TGM6: variants seen among roughly 807,000 people sequenced by gnomAD.
TGM6 encodes the protein protein-glutamine gamma-glutamyltransferase 6.
TGM6 carries 74 observed loss-of-function variants against 77.5 expected under a neutral mutation model. The ratio of observed to expected loss-of-function variants is 0.96; its 90% CI spans 0.79 to 1.16. TGM6 has a LOEUF of 1.16. Ranked by LOEUF, TGM6 falls within the 50% of genes most tolerant of loss-of-function variation. The pLI is 0.00. For missense variants in TGM6, 968 were observed against 940.2 expected (o/e 1.03, Z -0.39); for synonymous variants, 383 against 378.9 (o/e 1.01, Z -0.12).
Position 2,396,529 on chromosome 20 carries a change from G to C in TGM6, c.448G>C (p.Glu150Gln). 1 of 1,614,222 alleles carries C rather than the reference G, an allele frequency of 6.2e-7. No homozygotes were observed. Reference protein sequence around the residue: ...CAEDDVFLASEEERQEYVLSD... With the variant: ...CAEDDVFLASQEERQEYVLSD... ...AGAGGACGATGTGTTTCTGGCCTCAGAGGAGGAGAGACAGGAGTACGTGCT... is the reference window on the plus strand; with the variant it reads ...AGAGGACGATGTGTTTCTGGCCTCACAGGAGGAGAGACAGGAGTACGTGCT... The change falls in exon 4 of 13, where the codon GAG becomes CAG. Residue 150 changes from glutamate (E) to glutamine (Q), a missense_variant. Coordinates refer to ENST00000202625, the MANE Select transcript of TGM6 (RefSeq NM_198994.3).
chr20:2,431,014 C>T lies in TGM6; in HGVS notation c.1954C>T (p.Gln652Ter), dbSNP rs775215901. The T allele has an allele frequency of 3.1e-6, 5 of 1,613,952 alleles. No homozygotes were observed. The African/African-American group carries it at 5.3e-5, about 17-fold the overall frequency. ...GGAGGGCAGCGGCCTTCTCCAGGAA[C>T]AGCTCAGCATCGAGTAAGTGCCAGC... ...MVEGSGLLQEQLSIDVPTLEP... is the reference protein window; with the variant it reads ...MVEGSGLLQE Residue 652 changes from glutamine (Q) to a stop codon, truncating the protein, a stop_gained, in exon 12 of 13, where the codon CAG becomes TAG. Transcript: ENST00000202625. LOFTEE classifies it high-confidence loss of function.
chr20:2,394,358 C>T (rs2084647378), intron 1 of TGM6, 94 bp from the exon 2 acceptor site: 1 of 1,426,852 alleles, frequency 7.0e-7, no homozygotes, highest in African/African-American at 1.4e-5. Flanking sequence ...GCTGGATGAA[C>T]AAATGACTGG....
chr20:2,398,776 T>C (rs2084686057), intron 5 of TGM6, among the ~76,000 whole-genome samples: 1 of 152,076 alleles, frequency 6.6e-6, no homozygotes, highest in Non-Finnish European at 1.5e-5. Context: ...AACTTTAACC[T>C]ATCACAGGCC....
At chr20:2,430,679 G>A (rs889991893) in intron 11 of TGM6, 79 bp downstream of exon 11, 2 of 1,607,302 alleles carry the variant, frequency 1.2e-6, no homozygotes, top group Non-Finnish European at 1.7e-6. Flanking sequence ...CAGAAGCTGG[G>A]GGGGTTTGTG....
rs553006595 is a variant in TGM6, at chr20:2,400,519, C to T, written c.989+75C>T. 2,141 of 1,603,030 alleles carry T rather than the reference C, an allele frequency of 1.3e-3. 10 individuals are homozygous for T. In the Middle Eastern group the frequency reaches 0.029, roughly 22 times the overall value. ...TGGAGCAAGGCCTCATCTTCCATAA[C>T]ACCACCAGGGAGCGGCAGGCCCAGA... On this transcript the variant is annotated intron_variant, in intron 7 of 12. Transcript: ENST00000202625.
intron 1 of TGM6, among the ~76,000 whole-genome samples, chr20:2,390,849 A>G (rs2084624990): frequency 6.6e-6 from 1 of 152,140 alleles, no homozygotes; most frequent in Non-Finnish European, 1.5e-5. Flanking sequence ...AGTGATCCAC[A>G]TACAGGGAAC....
intron 4 of TGM6, among the ~76,000 whole-genome samples, chr20:2,397,643 C>T (rs905581557): frequency 1.4e-4 from 21 of 152,124 alleles, no homozygotes; most frequent in African/African-American, 5.1e-4. Context: ...CGAGAGCCTC[C>T]GATTTTAGCT....
At chr20:2,394,797 G>C (rs2084651777) in intron 2 of TGM6, among the ~76,000 whole-genome samples, 172 bp downstream of exon 2, 1 of 152,164 alleles carries the variant, frequency 6.6e-6, no homozygotes, top group African/African-American at 2.4e-5. Context: ...TCTGGGGGTG[G>C]TTGGGAGGTG....
chr20:2,403,491 G>T lies in TGM6; in HGVS notation c.1084G>T (p.Glu362Ter). 2 of 1,614,152 alleles carry T rather than the reference G, an allele frequency of 1.2e-6. No homozygotes were observed. The highest frequency in any genetic ancestry group is 1.7e-5 in the Admixed American group (1 of 60,024). Residue 362 changes from glutamate (E) to a stop codon, truncating the protein, a stop_gained, in exon 8 of 13, where the codon GAG becomes TAG. Transcript: ENST00000202625. LOFTEE classifies it high-confidence loss of function. ...GGTTCTGGATGCCACCCCCCAGGAG[G>T]AGAGTGAAGGTACGCTCAATTGGGT... is the stretch of plus-strand genomic sequence containing the variant. ...WQVLDATPQE[E>*]SEGVFRCGPA...
intron 4 of TGM6, among the ~76,000 whole-genome samples, chr20:2,397,299 T>C (rs918283481): frequency 6.6e-6 from 1 of 152,146 alleles, no homozygotes; most frequent in Non-Finnish European, 1.5e-5. Context: ...GCTAGAGGAA[T>C]TCTGTCTGCC....
Position 2,417,333 on chromosome 20 carries a change from T to C in TGM6, c.1438T>C (p.Cys480Arg). ...RIWIRRAGGR[C>R]LWRDDLLEPA... ...CTGGATCCGCAGGGCTGGGGGTCGC[T>C]GTCTCTGGCGTGACGACCTCCTGGA... Residue 480 changes from cysteine (C) to arginine (R), a missense_variant, in exon 10 of 13, where the codon TGT becomes CGT. Transcript: ENST00000202625. The C allele has an allele frequency of 1.2e-6, 2 of 1,613,884 alleles. No individual in the cohort carries two copies. Among genetic ancestry groups the C allele is most frequent in the East Asian group, 2.2e-5 (1 of 44,876 alleles).
intron 1 of TGM6, among the ~76,000 whole-genome samples, chr20:2,390,319 G>A (rs2422770): frequency 0.93 from 141,306 of 152,294 alleles, 65,819 homozygotes; most frequent in African/African-American, 0.97. Flanking sequence ...GTGCATGTAT[G>A]TATGTTCGCA....
At chr20:2,401,130 G>A (rs1255605075) in intron 7 of TGM6, among the ~76,000 whole-genome samples, 1 of 151,990 alleles carries the variant, frequency 6.6e-6, no homozygotes, top group Non-Finnish European at 1.5e-5. Context: ...GCTTGAACCT[G>A]GAAGGCAGAG....
chr20:2,381,890 G>T lies in TGM6; in HGVS notation c.7+915G>T, dbSNP rs902091893. Reference sequence around the variant, plus strand: ...CCAAGATGGTGCCACTGCACTGCAGGCTGGGCAACAGAGTGAGACCCTGTC... The same window carrying T: ...CCAAGATGGTGCCACTGCACTGCAGTCTGGGCAACAGAGTGAGACCCTGTC... On this transcript the variant is annotated intron_variant, in intron 1 of 12. Coordinates refer to ENST00000202625, the MANE Select transcript of TGM6 (RefSeq NM_198994.3). 1.8e-4 allele frequency among the ~76,000 whole-genome samples: 27 copies of T among 152,104 alleles called. 1 individual carries two copies. The highest frequency in any genetic ancestry group is 6.5e-4 in the African/African-American group (27 of 41,428).
chr20:2,382,385 C>T (rs1383783804), intron 1 of TGM6, among the ~76,000 whole-genome samples: 1 of 152,184 alleles, frequency 6.6e-6, no homozygotes, highest in Non-Finnish European at 1.5e-5. Flanking sequence ...CCAAGATCTG[C>T]TTCTCAAAGT....
intron 7 of TGM6, among the ~76,000 whole-genome samples, chr20:2,401,604 T>G (rs1295688228): frequency 1.3e-5 from 2 of 152,224 alleles, no homozygotes; most frequent in Non-Finnish European, 2.9e-5. Flanking sequence ...CAGTTCTAAG[T>G]GCTATATATA....
chr20:2,387,795 G>A lies in TGM6; in HGVS notation c.8-6657G>A, dbSNP rs564150733. The stretch of plus-strand genomic sequence containing the variant: ...CTGCAATTTGGGCAGAGCTCGGCAG[G>A]GACAGCTTGCGTCTGCATCAGCTGG... On this transcript the variant is annotated intron_variant, in intron 1 of 12. Coordinates refer to ENST00000202625, the MANE Select transcript of TGM6 (RefSeq NM_198994.3). Among the ~76,000 whole-genome samples the A allele has an allele frequency of 3.9e-5, 6 of 152,310 alleles. No homozygotes were observed. In the South Asian group the frequency reaches 1.2e-3, roughly 32 times the overall value.
intron 1 of TGM6, among the ~76,000 whole-genome samples, chr20:2,390,721 G>A (rs956984244): frequency 2.0e-5 from 3 of 152,322 alleles, no homozygotes. Flanking sequence ...AAGGAGAGTA[G>A]GGGTGATTTG....
Position 2,395,383 on chromosome 20 carries a change from A to G in TGM6, c.371A>G (p.His124Arg), listed in dbSNP as rs1321266697. ...LSIRLSSHRKHSNRRLGEFVL... is the reference protein window; with the variant it reads ...LSIRLSSHRKRSNRRLGEFVL... ...ATCAGGCTTTCCTCTCACCGCAAAC[A>G]CAGCAACCGGAGGCTGGGCGAGTTT... The change falls in exon 3 of 13, where the codon CAC (histidine) becomes CGC (arginine). Residue 124 changes from histidine (H) to arginine (R), a missense_variant. By Grantham distance (29) the His-to-Arg change is conservative (BLOSUM62 0). Transcript: ENST00000202625. 6.2e-7 allele frequency: 1 copy of G among 1,614,218 alleles called. No homozygotes were observed. Among genetic ancestry groups the G allele is most frequent in the South Asian group, 1.1e-5 (1 of 91,080 alleles).
Sources: allele counts gnomAD v4.1 joint callset (sites outside exome capture counted in the v4.1 genomes callset), GRCh38; gene constraint gnomAD v4.1.1; transcripts MANE v1.5; gene names NCBI Gene and HGNC (gene_info 2026-07-23, HGNC 2026-07-21).